Variants in EPCIP observed in about 807,000 individuals in gnomAD.
EPCIP encodes exosomal polycystin-1-interacting protein.
chr21:32,810,301 G>A, the EPCIP span, among the ~76,000 whole-genome samples: 90 of 135,752 alleles, frequency 6.6e-4, no homozygotes, highest in African/African-American at 2.4e-3. Flanking sequence ...TGTCGCCCAG[G>A]CTGGAGTGCA....
At chr21:32,800,172 T>G in the EPCIP span, among the ~76,000 whole-genome samples, 5 of 152,226 alleles carry the variant, frequency 3.3e-5, no homozygotes, top group African/African-American at 1.2e-4. Flanking sequence ...GTCCTCCCAC[T>G]GACACAATAT....
the EPCIP span, among the ~76,000 whole-genome samples, chr21:32,802,566 T>G: frequency 1.3e-5 from 2 of 152,222 alleles, no homozygotes; most frequent in Admixed American, 1.3e-4. Flanking sequence ...TTTTCCTCAG[T>G]GATTTCCATC....
the EPCIP span, among the ~76,000 whole-genome samples, chr21:32,793,062 C>G: frequency 9.9e-5 from 15 of 152,124 alleles, no homozygotes; most frequent in South Asian, 3.1e-3. Flanking sequence ...CAGGTTCAAG[C>G]GATTCTCCTG....
chr21:32,791,501 T>C, the EPCIP span: 2 of 152,200 alleles, frequency 1.3e-5, no homozygotes, highest in Non-Finnish European at 2.9e-5. Flanking sequence ...CTTTCCTTTT[T>C]CCTCCTTTTT....
the EPCIP span, chr21:32,813,495 C>T: frequency 3.7e-5 from 16 of 435,028 alleles, no homozygotes; most frequent in Middle Eastern, 6.9e-4. Context: ...TTCTTCCAAC[C>T]GTCACAGTTC....
At chr21:32,807,468 G>A in the EPCIP span, among the ~76,000 whole-genome samples, 1 of 152,088 alleles carries the variant, frequency 6.6e-6, no homozygotes, top group Non-Finnish European at 1.5e-5. Flanking sequence ...GAGTAGCTGG[G>A]ATTACAGGCA....
chr21:32,804,989 G>C, the EPCIP span, among the ~76,000 whole-genome samples: 1 of 152,122 alleles, frequency 6.6e-6, no homozygotes, highest in Non-Finnish European at 1.5e-5. Flanking sequence ...CTAATACCTG[G>C]GCCCTGTGAA....
the EPCIP span, chr21:32,793,541 T>G: frequency 2.6e-5 from 16 of 605,170 alleles, no homozygotes; most frequent in South Asian, 8.1e-5. Flanking sequence ...GTTGGTTTTT[T>G]GGTTTCTTTT....
the EPCIP span, among the ~76,000 whole-genome samples, chr21:32,792,012 C>G: frequency 1.3e-5 from 2 of 151,936 alleles, no homozygotes; most frequent in Non-Finnish European, 2.9e-5. Context: ...TCAAGTGACT[C>G]TCCTGCCTCA....
the EPCIP span, chr21:32,797,788 TAAAC>T: frequency 2.0e-5 from 3 of 152,012 alleles, no homozygotes; most frequent in Admixed American, 1.3e-4. Context: ...AATAAAAAAA[TAAAC>T]AAAATAAACT....
the EPCIP span, among the ~76,000 whole-genome samples, chr21:32,809,617 C>A: frequency 1.8e-4 from 27 of 152,174 alleles, 1 homozygote; most frequent in South Asian, 5.0e-3. Flanking sequence ...GATCTTCCCA[C>A]CGCCCAAAGT....
the EPCIP span, chr21:32,793,599 A>G: frequency 1.4e-6 from 1 of 725,176 alleles, no homozygotes; most frequent in African/African-American, 1.8e-5. Context: ...AGAGCAGAAC[A>G]GAGAGCTGGT....
At chr21:32,796,766 A>G in the EPCIP span, among the ~76,000 whole-genome samples, 1 of 152,172 alleles carries the variant, frequency 6.6e-6, no homozygotes, top group Admixed American at 6.5e-5. Context: ...GCTGTCCCAG[A>G]TTCCACTGGA....
chr21:32,794,520 C>T, the EPCIP span: 1 of 1,111,860 alleles, frequency 9.0e-7, no homozygotes, highest in South Asian at 1.6e-5. Flanking sequence ...CACAACCTTT[C>T]ATTTGAAATA....
At chr21:32,796,473 CAG>C in the EPCIP span, among the ~76,000 whole-genome samples, 1 of 151,336 alleles carries the variant, frequency 6.6e-6, no homozygotes, top group Non-Finnish European at 1.5e-5. Flanking sequence ...GAGAACATAG[CAG>C]AGAGAGAGAG....
At chr21:32,810,618 G>A in the EPCIP span, 3 of 471,312 alleles carry the variant, frequency 6.4e-6, no homozygotes, top group Admixed American at 2.4e-5. Context: ...GCTGTCTTCT[G>A]TATGTGCGTC....
the EPCIP span, chr21:32,790,893 A>T: frequency 1.3e-5 from 2 of 152,244 alleles, no homozygotes; most frequent in Non-Finnish European, 2.9e-5. Context: ...CAAACAAAAA[A>T]GCTGAATGGC....
At chr21:32,795,091 T>C in the EPCIP span, among the ~76,000 whole-genome samples, 1 of 152,220 alleles carries the variant, frequency 6.6e-6, no homozygotes, top group Non-Finnish European at 1.5e-5. Context: ...TTAATCTGTT[T>C]GTGAGTCCAT....
the EPCIP span, among the ~76,000 whole-genome samples, chr21:32,810,139 C>T: frequency 6.6e-6 from 1 of 152,080 alleles, no homozygotes. Flanking sequence ...TTGCCTCCCC[C>T]TTCTTTTTGA....
Sources: gnomAD v4.1 joint callset for allele counts (sites outside exome capture counted in the v4.1 genomes callset) on GRCh38, gnomAD v4.1.1 for gene constraint, MANE v1.5 for transcripts, NCBI Gene and HGNC (gene_info 2026-07-23, HGNC 2026-07-21) for gene names.